SIPA1L1: variants seen among roughly 807,000 people sequenced by gnomAD.
The protein encoded by SIPA1L1 is signal induced proliferation associated 1 like 1.
In SIPA1L1, 26 loss-of-function variants were observed where a neutral mutation model predicts 162.7. The observed-to-expected ratio is 0.16, with a 90% confidence interval of 0.12 to 0.22. The LOEUF (loss-of-function observed/expected upper bound fraction) is 0.22, where lower values mean the gene tolerates loss of function less well. Among genes scored for constraint, SIPA1L1 ranks in the 10% least tolerant of loss-of-function variants. The pLI, the probability that SIPA1L1 is intolerant of heterozygous loss-of-function variation, is 1.00. For synonymous variants in SIPA1L1, 829 were observed against 837.4 expected (o/e 0.99, Z 0.17); for missense variants, 1,874 against 2,241.0 (o/e 0.84, Z 3.31).
At chr14:71,689,856 A>G (rs1328884473) in intron 13 of SIPA1L1, among the ~76,000 whole-genome samples, 2 of 152,152 alleles carry the variant, frequency 1.3e-5, no homozygotes, top group Admixed American at 6.5e-5. Context: ...CTCCTTCCTT[A>G]CAGACACCAG....
In SIPA1L1 at chr14:71,602,832, A is replaced by G. The variant is rs527685785; in HGVS notation, c.1498+13462A>G. 2.0e-5 allele frequency among the ~76,000 whole-genome samples: 3 copies of G among 152,318 alleles called. No homozygotes were observed. The South Asian group carries it at 6.2e-4, about 32-fold the overall frequency. On this transcript the variant is annotated intron_variant, in intron 5 of 23. Transcript: ENST00000381232. ...GGAGCGCAAATGAACCCTACTGTGA[A>G]CTGCACATGCGAGGGATCTAGGTTG...
chr14:71,327,182 A>G lies in SIPA1L1; in HGVS notation c.-465+6001A>G, dbSNP rs989789690. On this transcript the variant is annotated intron_variant, in intron 2 of 23. Coordinates refer to ENST00000381232, the MANE Select transcript of SIPA1L1 (RefSeq NM_001386936.1). ...ACTGCAACCTCTGCCTCCCGGGTTC[A>G]AGCGATTCTCCTGCAACAGCCTCCT... 3.4e-5 allele frequency among the ~76,000 whole-genome samples: 5 copies of G among 149,226 alleles called. No individual in the cohort carries two copies. In the South Asian group the frequency reaches 8.4e-4, roughly 25 times the overall value.
chr14:71,616,582 T>C (rs570943760), intron 5 of SIPA1L1, among the ~76,000 whole-genome samples: 1 of 50,984 alleles, frequency 2.0e-5, no homozygotes. Context: ...AATGGGCAAA[T>C]GGGTGGGGGT....
intron 2 of SIPA1L1, among the ~76,000 whole-genome samples, chr14:71,361,796 C>T (rs1413459326): frequency 6.6e-6 from 1 of 152,160 alleles, no homozygotes; most frequent in African/African-American, 2.4e-5. Context: ...TTTTTATTGT[C>T]TTGCACTAGC....
intron 2 of SIPA1L1, among the ~76,000 whole-genome samples, chr14:71,341,806 G>A (rs181102938): frequency 2.0e-5 from 3 of 152,168 alleles, no homozygotes; most frequent in Non-Finnish European, 2.9e-5. Context: ...GCCTCCAGCT[G>A]TATCCATGTT....
At chr14:71,544,535 C>T (rs561367820) in intron 4 of SIPA1L1, among the ~76,000 whole-genome samples, 3 of 151,980 alleles carry the variant, frequency 2.0e-5, no homozygotes, top group Non-Finnish European at 2.9e-5. Flanking sequence ...AAGAAATCTG[C>T]TTAGCCAATA....
At chr14:71,432,560 A>T (rs781738255) in intron 2 of SIPA1L1, among the ~76,000 whole-genome samples, 1 of 152,134 alleles carries the variant, frequency 6.6e-6, no homozygotes, top group Non-Finnish European at 1.5e-5. Context: ...ATGTTTTATG[A>T]CTAGCTCTGA....
At chr14:71,553,432 A>G (rs913509549) in intron 4 of SIPA1L1, among the ~76,000 whole-genome samples, 5 of 152,236 alleles carry the variant, frequency 3.3e-5, no homozygotes, top group Non-Finnish European at 7.3e-5. Context: ...CAGTAATGAC[A>G]GAAGAGGAAA....
intron 2 of SIPA1L1, among the ~76,000 whole-genome samples, chr14:71,422,633 T>G (rs2043271215): frequency 6.6e-6 from 1 of 152,244 alleles, no homozygotes; most frequent in African/African-American, 2.4e-5. Context: ...TGAAGATTCA[T>G]CTGTGTTGTA....
chr14:71,325,642 A>G (rs747417819), intron 2 of SIPA1L1, among the ~76,000 whole-genome samples: 1 of 152,224 alleles, frequency 6.6e-6, no homozygotes, highest in Non-Finnish European at 1.5e-5. Context: ...TAGAGAGATG[A>G]CACCAAAATG....
intron 7 of SIPA1L1, among the ~76,000 whole-genome samples, chr14:71,644,709 G>A (rs2042011168): frequency 6.6e-6 from 1 of 152,214 alleles, no homozygotes; most frequent in Admixed American, 6.5e-5. Flanking sequence ...TAGGCTCATG[G>A]TGATAGGTGT....
intron 10 of SIPA1L1, among the ~76,000 whole-genome samples, chr14:71,662,923 T>A (rs1482787947): frequency 6.6e-6 from 1 of 152,244 alleles, no homozygotes; most frequent in Non-Finnish European, 1.5e-5. Flanking sequence ...TGTACTAGAT[T>A]CATGCAAAGG....
intron 19 of SIPA1L1, among the ~76,000 whole-genome samples, chr14:71,727,612 G>T (rs1407452210): frequency 1.3e-5 from 2 of 152,142 alleles, no homozygotes; most frequent in Admixed American, 6.5e-5. Flanking sequence ...GTTAGAACCA[G>T]CCCCCTTCTC....
chr14:71,440,899 G>T (rs1273300715), intron 2 of SIPA1L1, among the ~76,000 whole-genome samples: 1 of 152,012 alleles, frequency 6.6e-6, no homozygotes, highest in Non-Finnish European at 1.5e-5. Flanking sequence ...GTAGGTGAAG[G>T]TGCGTGATAC....
intron 2 of SIPA1L1, among the ~76,000 whole-genome samples, chr14:71,398,647 G>A (rs556998813): frequency 1.3e-5 from 2 of 152,276 alleles, no homozygotes; most frequent in East Asian, 3.9e-4. Context: ...ACAAGTTCAT[G>A]GATGCCAGAA....
At chr14:71,577,189 A>G (rs1220458244) in intron 4 of SIPA1L1, among the ~76,000 whole-genome samples, 1 of 152,162 alleles carries the variant, frequency 6.6e-6, no homozygotes, top group Admixed American at 6.5e-5. Flanking sequence ...AATTATCAAT[A>G]AATACTTTTT....
intron 2 of SIPA1L1, among the ~76,000 whole-genome samples, chr14:71,372,716 G>T (rs183161911): frequency 6.6e-6 from 1 of 152,210 alleles, no homozygotes; most frequent in Admixed American, 6.5e-5. Context: ...TGTTTGGCAA[G>T]TTATAGCCAT....
chr14:71,654,253 A>G (rs201498348), intron 8 of SIPA1L1, among the ~76,000 whole-genome samples: 8 of 152,224 alleles, frequency 5.3e-5, no homozygotes, highest in Non-Finnish European at 8.8e-5. Context: ...CAATTCTGCA[A>G]TGAAGAAATT....
intron 2 of SIPA1L1, among the ~76,000 whole-genome samples, chr14:71,414,674 A>G (rs972272504): frequency 6.6e-6 from 1 of 152,164 alleles, no homozygotes; most frequent in African/African-American, 2.4e-5. Flanking sequence ...ATGTTTCTTG[A>G]AATTAGGTGA....
Sources: allele counts gnomAD v4.1 joint callset (sites outside exome capture counted in the v4.1 genomes callset), GRCh38; gene constraint gnomAD v4.1.1; transcripts MANE v1.5; gene names NCBI Gene and HGNC (gene_info 2026-07-23, HGNC 2026-07-21).